The following TMPRSS11D variants were observed in gnomAD, a reference collection of about 807,000 sequenced individuals.
The protein encoded by TMPRSS11D is transmembrane serine protease 11D.
Under a neutral mutation model 44.4 loss-of-function variants are expected in TMPRSS11D, and 32 were observed. The observed-to-expected ratio is 0.72, with a 90% CI of 0.54 to 0.97. The LOEUF (loss-of-function observed/expected upper bound fraction) is 0.97. Ranked by LOEUF, TMPRSS11D falls within the 50% of genes least tolerant of loss-of-function variation. The pLI is 0.00. For synonymous variants in TMPRSS11D, 179 were observed against 177.9 expected, an observed-to-expected ratio of 1.01 and a Z score of -0.05; for missense variants, 446 against 502.6, an observed-to-expected ratio of 0.89 and a Z score of 1.08.
chr4:67,882,317 T>C (rs1719338951), intron 1 of TMPRSS11D, among the ~76,000 whole-genome samples: 1 of 152,240 alleles, frequency 6.6e-6, no homozygotes, highest in Non-Finnish European at 1.5e-5. Flanking sequence ...TTCTGTTATT[T>C]GATATGAATA....
rs1717670309 is a variant in TMPRSS11D at position 67,822,466 on chromosome 4, G to A, written c.1128C>T (p.Asp376=). 6.2e-7 allele frequency: 1 copy of A among 1,613,898 alleles called. No homozygotes were observed. The highest frequency in any genetic ancestry group is 1.1e-5 in the South Asian group (1 of 91,062). Residue 376 remains aspartate, a synonymous_variant, in exon 10 of 10, where the codon GAC becomes GAT. Coordinates refer to ENST00000283916, the MANE Select transcript of TMPRSS11D (RefSeq NM_004262.3). Reference sequence around the variant, plus strand: ...CCACAATAAACCAAAGCCGCCGTGAGTCTTCTTGTACTAGTGGGCCACCAG... The same window carrying A: ...CCACAATAAACCAAAGCCGCCGTGAATCTTCTTGTACTAGTGGGCCACCAG... ...GDSGGPLVQE[D]SRRLWFIVGI... is the part of the protein sequence containing the mutation.
rs1717774912 is a variant in TMPRSS11D, at chr4:67,825,738, T to TG, written c.1088dup (p.Cys364MetfsTer4). 1 of 1,612,730 alleles carries TG rather than the reference T, an allele frequency of 6.2e-7. No individual in the cohort carries two copies. Among genetic ancestry groups the TG allele is most frequent in the Non-Finnish European group, 8.5e-7 (1 of 1,179,238 alleles). On this transcript the variant is annotated frameshift_variant, in exon 9 of 10. Transcript: ENST00000283916. LOFTEE classifies it high-confidence loss of function. ...GAGATTGTCTTGAGCTTACCTGACA[T>TG]GCGTCCACTCCACCTTGAGGTACTC...
intron 3 of TMPRSS11D, 122 bp from the exon 4 acceptor site, chr4:67,842,747 AC>A: frequency 1.2e-6 from 1 of 851,746 alleles, no homozygotes; most frequent in East Asian, 2.6e-5. Context: ...CTTTAGTTCA[AC>A]CTAATTCCAT....
chr4:67,865,308 T>A (rs1718895415), intron 1 of TMPRSS11D, among the ~76,000 whole-genome samples: 1 of 151,308 alleles, frequency 6.6e-6, no homozygotes, highest in Non-Finnish European at 1.5e-5. Flanking sequence ...TTTAAAAAAA[T>A]TTTGAAATGA....
rs377556594 is a variant in TMPRSS11D, at chr4:67,850,732, TGG to T, written c.249+3334_249+3335del. Among the ~76,000 whole-genome samples the T allele has an allele frequency of 3.9e-4, 60 of 152,294 alleles. 1 individual carries two copies. The East Asian group carries it at 8.7e-3, about 22-fold the overall frequency. On this transcript the variant is annotated intron_variant, in intron 3 of 9. Coordinates refer to ENST00000283916, the MANE Select transcript of TMPRSS11D (RefSeq NM_004262.3). Reference sequence around the variant, plus strand: ...CAACGGGAGCTGTGCAGTGTCAGTGTGGGTGTGCACTTGCGTGTGTGCCTTCA... The same window carrying T: ...CAACGGGAGCTGTGCAGTGTCAGTGTGTGTGCACTTGCGTGTGTGCCTTCA...
intron 1 of TMPRSS11D, among the ~76,000 whole-genome samples, chr4:67,870,727 T>C (rs952523344): frequency 2.8e-5 from 3 of 107,676 alleles, no homozygotes; most frequent in Admixed American, 9.2e-5. Context: ...GGCAGGAGAC[T>C]GGCGTGAACC....
Position 67,855,904 on chromosome 4 carries a change from C to T in TMPRSS11D, c.131-1718G>A, listed in dbSNP as rs531289652. Among the ~76,000 whole-genome samples the T allele has an allele frequency of 9.9e-4, 150 of 152,076 alleles. 2 individuals carry two copies. In the South Asian group the frequency reaches 0.029, roughly 30 times the overall value. Reference sequence around the variant, plus strand: ...AATCTATAGCATTTCTATACACCAACAATGAAATAGCTGAGAAAAAAATCA... The same window carrying T: ...AATCTATAGCATTTCTATACACCAATAATGAAATAGCTGAGAAAAAAATCA... On this transcript the variant is annotated intron_variant, in intron 2 of 9. Transcript: ENST00000283916.
chr4:67,858,544 G>T (rs918369326), intron 2 of TMPRSS11D, among the ~76,000 whole-genome samples: 1 of 152,076 alleles, frequency 6.6e-6, no homozygotes, highest in Non-Finnish European at 1.5e-5. Flanking sequence ...TATTTCTAAT[G>T]TTGGTAATTT....
intron 1 of TMPRSS11D, among the ~76,000 whole-genome samples, chr4:67,864,034 A>G (rs532987248): frequency 3.2e-4 from 48 of 152,156 alleles, no homozygotes; most frequent in African/African-American, 1.1e-3. Context: ...TGCTGTATAA[A>G]CTATAAAGGG....
chr4:67,882,891 C>G (rs577013932), intron 1 of TMPRSS11D, among the ~76,000 whole-genome samples: 4 of 151,810 alleles, frequency 2.6e-5, no homozygotes, highest in Non-Finnish European at 5.9e-5. Flanking sequence ...TAAGAACAAA[C>G]TCAGTATGTA....
chr4:67,861,338 T>C (rs1214470452), intron 1 of TMPRSS11D, among the ~76,000 whole-genome samples: 1 of 152,152 alleles, frequency 6.6e-6, no homozygotes, highest in Admixed American at 6.6e-5. Flanking sequence ...CTCATGGGGT[T>C]ATTGTGCCTG....
At chr4:67,850,733 G>GT (rs1491457060) in intron 3 of TMPRSS11D, among the ~76,000 whole-genome samples, 1 of 152,068 alleles carries the variant, frequency 6.6e-6, no homozygotes, top group Non-Finnish European at 1.5e-5. Flanking sequence ...GTGTCAGTGT[G>GT]GGTGTGCACT....
At chr4:67,824,012 T>C (rs1422966216) in intron 9 of TMPRSS11D, among the ~76,000 whole-genome samples, 2 of 152,162 alleles carry the variant, frequency 1.3e-5, no homozygotes, top group Non-Finnish European at 2.9e-5. Flanking sequence ...AGTATTGTTG[T>C]GTTAACACAA....
chr4:67,854,571 A>G (rs7677538), intron 2 of TMPRSS11D, among the ~76,000 whole-genome samples: 56,845 of 152,000 alleles, frequency 0.37, 11,116 homozygotes, highest in Middle Eastern at 0.52. Flanking sequence ...AGTAATTATG[A>G]AATTTCAAAA....
chr4:67,835,013 C>T, intron 6 of TMPRSS11D, 70 bp downstream of exon 6: 1 of 1,427,232 alleles, frequency 7.0e-7, no homozygotes, highest in Non-Finnish European at 9.9e-7. Flanking sequence ...GCCAAAAGTA[C>T]ACAAAAGACT....
At chr4:67,824,024 G>A (rs1374683527) in intron 9 of TMPRSS11D, among the ~76,000 whole-genome samples, 3 of 151,992 alleles carry the variant, frequency 2.0e-5, no homozygotes, top group Non-Finnish European at 4.4e-5. Context: ...TTAACACAAC[G>A]TCGGGTGCAT....
intron 2 of TMPRSS11D, among the ~76,000 whole-genome samples, chr4:67,855,046 G>T (rs1052331102): frequency 3.9e-5 from 6 of 152,090 alleles, no homozygotes; most frequent in African/African-American, 9.7e-5. Flanking sequence ...CACGAGGTCC[G>T]GAGTTCGAGA....
intron 1 of TMPRSS11D, among the ~76,000 whole-genome samples, chr4:67,873,644 A>C (rs933176586): frequency 6.6e-6 from 1 of 152,196 alleles, no homozygotes; most frequent in Non-Finnish European, 1.5e-5. Flanking sequence ...GGATATGTGA[A>C]TTGCCTATTA....
intron 1 of TMPRSS11D, 146 bp downstream of exon 1, chr4:67,883,780 A>G (rs112090445): frequency 1.8e-6 from 1 of 552,092 alleles, no homozygotes; most frequent in South Asian, 3.2e-5. Context: ...TATCTAAACA[A>G]TATCTAAGAG....
Sources: allele counts gnomAD v4.1 joint callset (sites outside exome capture counted in the v4.1 genomes callset), GRCh38; gene constraint gnomAD v4.1.1; transcripts MANE v1.5; gene names NCBI Gene and HGNC (gene_info 2026-07-23, HGNC 2026-07-21).